The following DEPDC4 variants were observed in gnomAD, a reference collection of about 807,000 sequenced individuals.
DEPDC4 encodes the protein DEP domain-containing protein 4.
Under a neutral mutation model 52.0 loss-of-function variants are expected in DEPDC4, and 52 were observed. The ratio of observed to expected loss-of-function variants is 1.00; its 90% confidence interval spans 0.80 to 1.26. The LOEUF (loss-of-function observed/expected upper bound fraction) is 1.26. Ranked by LOEUF, DEPDC4 falls within the 50% of genes most tolerant of loss-of-function variation. The pLI, the probability that DEPDC4 is intolerant of heterozygous loss-of-function variation, is 0.00. For synonymous variants in DEPDC4, 201 were observed against 196.8 expected (o/e 1.02, Z -0.18); for missense variants, 530 against 546.9 (o/e 0.97, Z 0.31).
chr12:100,270,039 T>G (rs1477514530), upstream of DEPDC4, among the ~76,000 whole-genome samples: 2 of 151,378 alleles, frequency 1.3e-5, no homozygotes, highest in East Asian at 3.9e-4. Context: ...CAGGCTGGAG[T>G]GCCGTGGCGC....
downstream of DEPDC4, chr12:100,238,063 C>T: frequency 1.0e-6 from 1 of 984,282 alleles, no homozygotes; most frequent in Non-Finnish European, 1.2e-6. Flanking sequence ...TTCCCGGTAT[C>T]TCTTCAGGTA....
In DEPDC4 at chr12:100,252,369, C is replaced by G. The variant is rs200634376; in HGVS notation, c.1248+25G>C. ...GGAAAAAAATAGCAAAAAAAAATGG[C>G]AAAACTTATTGCAAAATTTTTCACC... On this transcript the variant is annotated intron_variant, in intron 6 of 9. Transcript: ENST00000550587. 2.1e-4 allele frequency: 315 copies of G among 1,525,548 alleles called. 1 individual carries two copies. Among genetic ancestry groups the G allele is most frequent in the Non-Finnish European group, 2.7e-4 (304 of 1,143,410 alleles). The allele number at this position is 1,525,548 out of a possible 1,614,324, so 94.5% of individuals were successfully genotyped here.
chr12:100,263,775 A>C lies in DEPDC4; in HGVS notation c.276T>G (p.Thr92=). ...HHLQTYKDCF[T]GSDAVDVVLS... is the part of the protein sequence containing the mutation. ...AGACCACATCGACAGCATCAGAACC[A>C]GTGAAACAGTCTTTGTATGTCTGTA... The change falls in exon 2 of 10, where the codon ACT becomes ACG. Residue 92 remains threonine (T), a synonymous_variant. Transcript: ENST00000550587. 6.2e-7 allele frequency: 1 copy of C among 1,614,196 alleles called. No homozygotes were observed. Among genetic ancestry groups the C allele is most frequent in the Non-Finnish European group, 8.5e-7 (1 of 1,180,030 alleles).
chr12:100,263,952 T>G (rs2096263124), intron 1 of DEPDC4, 59 bp from the exon 2 acceptor site: 1 of 1,501,934 alleles, frequency 6.7e-7, no homozygotes, highest in Non-Finnish European at 8.9e-7. Flanking sequence ...ATATGCAAAT[T>G]TTTCAGTTTT....
At chr12:100,267,735 T>C (rs1260068865), upstream of DEPDC4, 1 of 151,986 alleles carries the variant, frequency 6.6e-6, no homozygotes, top group Non-Finnish European at 1.5e-5. Context: ...AGAGCTCGGG[T>C]TTCGGTGGTG....
intron 3 of DEPDC4, 75 bp downstream of exon 3, chr12:100,262,189 C>A: frequency 6.8e-7 from 1 of 1,469,850 alleles, no homozygotes. Context: ...GACCTTGAAA[C>A]TGCTTATAAG....
At chr12:100,277,905 T>A in the DEPDC4 span, among the ~76,000 whole-genome samples, 11 of 152,164 alleles carry the variant, frequency 7.2e-5, no homozygotes, top group Non-Finnish European at 1.3e-4. Flanking sequence ...TGTTATTATT[T>A]GAGGGTCTAC....
chr12:100,253,518 T>C lies in DEPDC4; in HGVS notation c.1076A>G (p.Asp359Gly), dbSNP rs1280177977. The stretch of plus-strand genomic sequence containing the variant: ...AAGTTCAATAATTCCTGAATGAATA[T>C]CAAAATACTCATCAGTTAATAGGCA... The part of the protein sequence containing the change: ...RDCLLTDEYF[D>G]IHSGIIELLE... The change falls in exon 5 of 10, where the codon GAT becomes GGT. Residue 359 changes from aspartate to glycine, a missense_variant. Asp to Gly is a moderately conservative substitution (Grantham distance 94, BLOSUM62 -1). Coordinates refer to ENST00000550587, the MANE Select transcript of DEPDC4 (RefSeq NM_001364818.2). The C allele has an allele frequency of 1.6e-6, 2 of 1,283,576 alleles. No homozygotes were observed. Among genetic ancestry groups the C allele is most frequent in the Admixed American group, 2.3e-5 (1 of 43,446 alleles). 79.5% of individuals were successfully genotyped at this position (1,283,576 alleles called of 1,614,324 possible). A position where few individuals can be genotyped will look rare whatever the true frequency, so the allele number is the denominator to read the frequency against.
At chr12:100,281,970 A>G in the DEPDC4 span, among the ~76,000 whole-genome samples, 1 of 152,206 alleles carries the variant, frequency 6.6e-6, no homozygotes, top group African/African-American at 2.4e-5. Flanking sequence ...AGAAAAAATA[A>G]GAATAAATGT....
chr12:100,252,926 CTTTT>C (rs1196515228), intron 5 of DEPDC4, among the ~76,000 whole-genome samples: 1 of 152,138 alleles, frequency 6.6e-6, no homozygotes, highest in Non-Finnish European at 1.5e-5. Context: ...ATGTTTCTTT[CTTTT>C]TATTTTGAGA....
chr12:100,278,398 C>A, the DEPDC4 span, among the ~76,000 whole-genome samples: 1 of 151,982 alleles, frequency 6.6e-6, no homozygotes, highest in Non-Finnish European at 1.5e-5. Flanking sequence ...TGGGGTCTTA[C>A]TGTGTTGCCT....
chr12:100,276,019 C>T, the DEPDC4 span, among the ~76,000 whole-genome samples: 4 of 151,994 alleles, frequency 2.6e-5, no homozygotes, highest in East Asian at 1.9e-4. Flanking sequence ...TGAAGTGAAC[C>T]CCATTTGGTC....
chr12:100,256,792 C>T (rs1043501443), intron 3 of DEPDC4, among the ~76,000 whole-genome samples: 2 of 151,956 alleles, frequency 1.3e-5, no homozygotes, highest in Non-Finnish European at 2.9e-5. Context: ...CAGGCGCCCA[C>T]CACCATGCCC....
At chr12:100,261,180 CAA>C (rs536040088) in intron 3 of DEPDC4, among the ~76,000 whole-genome samples, 11 of 68,464 alleles carry the variant, frequency 1.6e-4, no homozygotes, top group East Asian at 5.4e-4. Context: ...GACTCCGTCT[CAA>C]AAAAAAAAAA....
intron 3 of DEPDC4, among the ~76,000 whole-genome samples, chr12:100,258,644 T>C (rs1422072041): frequency 6.6e-6 from 1 of 152,136 alleles, no homozygotes; most frequent in Non-Finnish European, 1.5e-5. Flanking sequence ...GCCAAGGCTT[T>C]GCAACACCAA....
chr12:100,253,974 T>G (rs1433983308), intron 4 of DEPDC4, among the ~76,000 whole-genome samples: 1 of 152,216 alleles, frequency 6.6e-6, no homozygotes, highest in Non-Finnish European at 1.5e-5. Context: ...TAATTTTTAA[T>G]GAACCCTTTA....
downstream of DEPDC4, among the ~76,000 whole-genome samples, chr12:100,235,572 ATTCT>A (rs1200316433): frequency 6.8e-6 from 1 of 147,414 alleles, no homozygotes; most frequent in African/African-American, 2.5e-5. Context: ...CCACTGTATC[ATTCT>A]TTTTTTTTTT....
At chr12:100,238,131 AAT>A, downstream of DEPDC4, 1 of 877,730 alleles carries the variant, frequency 1.1e-6, no homozygotes, top group Non-Finnish European at 1.4e-6. Flanking sequence ...AAAAAAAAAA[AAT>A]ATGCAGATTA....
intron 3 of DEPDC4, among the ~76,000 whole-genome samples, chr12:100,259,745 T>C (rs1264239713): frequency 6.6e-6 from 1 of 152,018 alleles, no homozygotes; most frequent in African/African-American, 2.4e-5. Flanking sequence ...AAAGTAACAA[T>C]ATAAGCATGC....
Sources: allele counts gnomAD v4.1 joint callset (sites outside exome capture counted in the v4.1 genomes callset), GRCh38; gene constraint gnomAD v4.1.1; transcripts MANE v1.5; gene names NCBI Gene and HGNC (gene_info 2026-07-23, HGNC 2026-07-21).